The following ATP6V1C1 variants were observed in gnomAD, a reference collection of about 807,000 sequenced individuals.
ATP6V1C1 encodes ATPase H+ transporting V1 subunit C1, also known as V-type proton ATPase subunit C 1.
ATP6V1C1 carries 45 observed loss-of-function variants against 53.9 expected under a neutral mutation model. That is an observed-to-expected ratio of 0.83 (90% CI 0.66 to 1.07). The LOEUF is 1.07. ATP6V1C1 is among the 50% of genes least tolerant of loss of function. ATP6V1C1 has a pLI of 0.00. For missense variants in ATP6V1C1, 315 were observed against 440.3 expected (o/e 0.72, Z 2.55); for synonymous variants, 153 against 155.2 (o/e 0.99, Z 0.11).
Position 103,063,150 on chromosome 8 carries a change from C to T in ATP6V1C1, c.750C>T (p.Asp250=), listed in dbSNP as rs773527276. 3 of 1,613,078 alleles carry T rather than the reference C, an allele frequency of 1.9e-6. No individual in the cohort carries two copies. The highest frequency in any genetic ancestry group is 2.5e-6 in the Non-Finnish European group (3 of 1,179,410). The change falls in exon 10 of 13, where the codon GAC becomes GAT. Residue 250 remains aspartate, a synonymous_variant. Coordinates refer to ENST00000518738, the MANE Select transcript of ATP6V1C1 (RefSeq NM_001695.5). The stretch of plus-strand genomic sequence containing the variant: ...CCAAATTTAGATTCATTGTTCGTGA[C>T]TTCCAGTATAATGAAGAGGAGATGA... ...KARENKFIVR[D]FQYNEEEMKA... is the part of the protein sequence containing the mutation.
chr8:103,057,273 T>C (rs1226804657), intron 8 of ATP6V1C1, among the ~76,000 whole-genome samples: 1 of 152,184 alleles, frequency 6.6e-6, no homozygotes, highest in Non-Finnish European at 1.5e-5. Context: ...GTGAGCCTCA[T>C]TGGTTGCAGA....
intron 1 of ATP6V1C1, among the ~76,000 whole-genome samples, chr8:103,026,724 A>G (rs1157737086): frequency 6.6e-6 from 1 of 152,176 alleles, no homozygotes; most frequent in Admixed American, 6.5e-5. Flanking sequence ...GAGGCAGAAG[A>G]ATCGCTTAAA....
At chr8:103,066,482 A>G in intron 12 of ATP6V1C1, 35 bp downstream of exon 12, 1 of 1,506,626 alleles carries the variant, frequency 6.6e-7, no homozygotes, top group Non-Finnish European at 8.9e-7. Flanking sequence ...GTAAGAATTG[A>G]AGTGAATTTC....
At chr8:103,052,118 G>A (rs1254803124) in intron 5 of ATP6V1C1, among the ~76,000 whole-genome samples, 2 of 151,962 alleles carry the variant, frequency 1.3e-5, no homozygotes, top group African/African-American at 4.8e-5. Context: ...TGATGCTGTT[G>A]TAGATAGGAA....
At position 103,066,240 on chromosome 8, in the gene ATP6V1C1, G is replaced by A. The variant is rs1158399673; in HGVS notation, c.927-81G>A. On this transcript the variant is annotated intron_variant, in intron 11 of 12. Coordinates refer to ENST00000518738, the MANE Select transcript of ATP6V1C1 (RefSeq NM_001695.5). ...TCTCCCCGTTAACCATGATTAAAGA[G>A]TATGAGAATATTTGCTTTGAAAAGA... The A allele has an allele frequency of 4.7e-6, 7 of 1,477,912 alleles. No individual in the cohort carries two copies. In the African/African-American group the frequency reaches 7.0e-5, roughly 15 times the overall value. The allele number at this position is 1,477,912 out of a possible 1,614,324, so 91.5% of individuals were successfully genotyped here.
At chr8:103,029,889 T>C (rs922607682) in intron 1 of ATP6V1C1, among the ~76,000 whole-genome samples, 1 of 152,050 alleles carries the variant, frequency 6.6e-6, no homozygotes, top group African/African-American at 2.4e-5. Flanking sequence ...TGCACCACCA[T>C]GCCCAGCTGA....
chr8:103,052,858 G>A, intron 6 of ATP6V1C1, 36 bp downstream of exon 6: 1 of 1,362,692 alleles, frequency 7.3e-7, no homozygotes, highest in South Asian at 1.3e-5. Context: ...ACTAAGAACT[G>A]GGGAAGCATA....
intron 1 of ATP6V1C1, among the ~76,000 whole-genome samples, chr8:103,023,640 T>C (rs1816638519): frequency 6.6e-6 from 1 of 152,202 alleles, no homozygotes; most frequent in African/African-American, 2.4e-5. Context: ...GAAATATAGT[T>C]ACAGGGAGGG....
At chr8:103,026,178 G>A (rs1425940427) in intron 1 of ATP6V1C1, among the ~76,000 whole-genome samples, 1 of 152,246 alleles carries the variant, frequency 6.6e-6, no homozygotes, top group Non-Finnish European at 1.5e-5. Flanking sequence ...GGCCATGTCT[G>A]CCAATTCAGT....
chr8:103,062,383 C>A (rs943642093), intron 8 of ATP6V1C1, among the ~76,000 whole-genome samples: 2 of 151,874 alleles, frequency 1.3e-5, no homozygotes, highest in African/African-American at 4.8e-5. Context: ...GTTGCCCAGG[C>A]TGGTCTCAAA....
At chr8:103,040,727 C>T in intron 1 of ATP6V1C1, 71 bp from the exon 2 acceptor site, 1 of 1,360,078 alleles carries the variant, frequency 7.4e-7, no homozygotes, top group African/African-American at 1.5e-5. Context: ...TATAACTTCT[C>T]CTATGATTCT....
rs75246352 is a variant in ATP6V1C1, at chr8:103,064,919, T to C, written c.926+108T>C. The C allele has an allele frequency of 9.0e-4, 820 of 907,732 alleles. 7 individuals carry two copies. In the African/African-American group the frequency reaches 0.012, roughly 13 times the overall value. The allele number at this position is 907,732 out of a possible 1,614,324, so 56.2% of individuals were successfully genotyped here. A position where few individuals can be genotyped will look rare whatever the true frequency, so the allele number is the denominator to read the frequency against. ...GCAATAGGAAATTGATTTGGAGAAA[T>C]CAAAGGGCCAATCATGAGACAGAGA... On this transcript the variant is annotated intron_variant, in intron 11 of 12. Transcript: ENST00000518738.
At position 103,034,143 on chromosome 8, in the gene ATP6V1C1, A is replaced by G. The variant is rs551045968; in HGVS notation, c.-39-6655A>G. Among the ~76,000 whole-genome samples, 9 of 152,256 alleles carry G rather than the reference A, an allele frequency of 5.9e-5. 1 individual carries two copies. The South Asian group carries it at 1.7e-3, about 28-fold the overall frequency. ...GACTAGAATTGCCTCAACTGTAGAGATCATCATCAAGAAAGGTGCTATACA... is the reference window on the plus strand; with the variant it reads ...GACTAGAATTGCCTCAACTGTAGAGGTCATCATCAAGAAAGGTGCTATACA... On this transcript the variant is annotated intron_variant, in intron 1 of 12. Coordinates refer to ENST00000518738, the MANE Select transcript of ATP6V1C1 (RefSeq NM_001695.5).
intron 3 of ATP6V1C1, among the ~76,000 whole-genome samples, chr8:103,048,038 C>G (rs1817135846): frequency 6.6e-6 from 1 of 152,208 alleles, no homozygotes; most frequent in African/African-American, 2.4e-5. Context: ...GAATCCCACC[C>G]AGGGCCTAGA....
intron 8 of ATP6V1C1, among the ~76,000 whole-genome samples, chr8:103,057,522 A>C (rs1817311326): frequency 1.3e-5 from 2 of 152,170 alleles, no homozygotes; most frequent in South Asian, 4.1e-4. Context: ...TTAGGCGTGG[A>C]AAGTTAGGGT....
At chr8:103,049,176 A>G (rs1250255756) in intron 4 of ATP6V1C1, among the ~76,000 whole-genome samples, 1 of 152,256 alleles carries the variant, frequency 6.6e-6, no homozygotes, top group Non-Finnish European at 1.5e-5. Flanking sequence ...AATATGTAAT[A>G]TAGCTTATAA....
rs377756814 is a variant in ATP6V1C1 at position 103,068,369 on chromosome 8, A to G, written c.1054-283A>G. Among the ~76,000 whole-genome samples, 46 of 152,378 alleles carry G rather than the reference A, an allele frequency of 3.0e-4. 1 individual carries two copies. Among genetic ancestry groups the G allele is most frequent in the African/African-American group, 9.6e-4 (40 of 41,586 alleles). On this transcript the variant is annotated intron_variant, in intron 12 of 12. Coordinates refer to ENST00000518738, the MANE Select transcript of ATP6V1C1 (RefSeq NM_001695.5). ...GATTTAAAAAGTTAATTTTTACAGT[A>G]TACATAAAAAAGGTTGGTGGGATCA...
intron 8 of ATP6V1C1, among the ~76,000 whole-genome samples, chr8:103,057,151 G>A (rs932193693): frequency 6.6e-6 from 1 of 152,082 alleles, no homozygotes; most frequent in Non-Finnish European, 1.5e-5. Context: ...GAGCAGACCT[G>A]AGCAGTGGCT....
chr8:103,049,807 G>T (rs1156886066), intron 4 of ATP6V1C1, among the ~76,000 whole-genome samples: 1 of 151,964 alleles, frequency 6.6e-6, no homozygotes, highest in Non-Finnish European at 1.5e-5. Context: ...AAAGAAAAAA[G>T]TTACCTGGAA....
Sources: gnomAD v4.1 joint callset for allele counts (sites outside exome capture counted in the v4.1 genomes callset) on GRCh38, gnomAD v4.1.1 for gene constraint, MANE v1.5 for transcripts, NCBI Gene and HGNC (gene_info 2026-07-23, HGNC 2026-07-21) for gene names.